The following ZNF827 variants were observed in gnomAD, a reference collection of about 807,000 sequenced individuals.
ZNF827 encodes zinc finger protein 827.
ZNF827 carries 13 observed loss-of-function variants against 102.4 expected under a neutral mutation model. That is an observed-to-expected ratio of 0.13 (90% CI 0.08 to 0.20). The LOEUF is 0.20. ZNF827 is among the 10% of genes least tolerant of loss of function. The probability of loss-of-function intolerance (pLI) is 1.00; values close to 1 mark genes in which losing one functional copy is unlikely to be tolerated. For missense variants in ZNF827, 1,103 were observed against 1,344.4 expected (o/e 0.82, Z 2.81); for synonymous variants, 523 against 536.2 (o/e 0.98, Z 0.34).
intron 5 of ZNF827, among the ~76,000 whole-genome samples, chr4:145,858,493 T>G (rs1269434676): frequency 6.6e-6 from 1 of 151,562 alleles, no homozygotes; most frequent in African/African-American, 2.4e-5. Context: ...AATCAAAAAA[T>G]TAGCTGGGCT....
intron 8 of ZNF827, among the ~76,000 whole-genome samples, chr4:145,800,008 T>TTTACAGCC (rs11281883): frequency 0.34 from 51,880 of 151,750 alleles, 9,392 homozygotes; most frequent in African/African-American, 0.43. Context: ...TGGCCTTTTT[T>TTTACAGCC]TTACAGCCAT....
intron 1 of ZNF827, among the ~76,000 whole-genome samples, chr4:145,914,557 T>C (rs373253559): frequency 6.6e-6 from 1 of 152,338 alleles, no homozygotes; most frequent in African/African-American, 2.4e-5. Context: ...AAATGTATTC[T>C]TATTCCTTGT....
chr4:145,914,715 T>G (rs1047698282), intron 1 of ZNF827, among the ~76,000 whole-genome samples: 1 of 152,210 alleles, frequency 6.6e-6, no homozygotes, highest in African/African-American at 2.4e-5. Flanking sequence ...AAATTAACAT[T>G]CCCTTAACAA....
chr4:145,772,764 C>A (rs1368076745), intron 11 of ZNF827, among the ~76,000 whole-genome samples: 1 of 152,214 alleles, frequency 6.6e-6, no homozygotes, highest in Non-Finnish European at 1.5e-5. Flanking sequence ...AAAGAAACTT[C>A]TTTAATGCAT....
rs145903216 is a variant in ZNF827 at position 145,895,945 on chromosome 4, A to G, written c.1094-3530T>C. On this transcript the variant is annotated intron_variant, in intron 2 of 14. Transcript: ENST00000508784. ...AACTGCCTAATAAATAACTTTTCCCAAGTATATCACTAGCTAGTTATTATC... is the reference window on the plus strand; with the variant it reads ...AACTGCCTAATAAATAACTTTTCCCGAGTATATCACTAGCTAGTTATTATC... Among the ~76,000 whole-genome samples, 420 of 152,352 alleles carry G rather than the reference A, an allele frequency of 2.8e-3. 2 individuals carry two copies. Among genetic ancestry groups the G allele is most frequent in the Non-Finnish European group, 4.6e-3 (316 of 68,042 alleles).
At position 145,758,078 on chromosome 4, in the gene ZNF827, T is replaced by C. The variant is rs1474741127; in HGVS notation, c.*3538A>G. Reference sequence around the variant, plus strand: ...GGTACATATTTTCTAGGGTGGAGTCTGAAAAATGCTGTAGATTTTTTTCTT... The same window carrying C: ...GGTACATATTTTCTAGGGTGGAGTCCGAAAAATGCTGTAGATTTTTTTCTT... On this transcript the variant is annotated 3_prime_UTR_variant, in exon 15 of 15. Coordinates refer to ENST00000508784, the MANE Select transcript of ZNF827 (RefSeq NM_001306215.2). The C allele has an allele frequency of 2.6e-5, 4 of 152,298 alleles. No homozygotes were observed. The highest frequency in any genetic ancestry group is 9.6e-5 in the African/African-American group (4 of 41,578). The allele number at this position is 152,298 out of a possible 1,614,324, so 9.4% of individuals were successfully genotyped here.
At chr4:145,799,612 T>C (rs1740689216) in intron 8 of ZNF827, among the ~76,000 whole-genome samples, 1 of 152,148 alleles carries the variant, frequency 6.6e-6, no homozygotes, top group African/African-American at 2.4e-5. Context: ...CCAACATCCA[T>C]ACTTTTCTCC....
chr4:145,826,470 C>G (rs922032012), intron 7 of ZNF827, among the ~76,000 whole-genome samples: 1 of 152,160 alleles, frequency 6.6e-6, no homozygotes, highest in African/African-American at 2.4e-5. Context: ...AGTAGTCCCC[C>G]CTTACCCATG....
intron 8 of ZNF827, among the ~76,000 whole-genome samples, chr4:145,788,043 C>T (rs1739143536): frequency 1.3e-5 from 2 of 152,202 alleles, no homozygotes; most frequent in South Asian, 4.1e-4. Flanking sequence ...TGCCTAGTGA[C>T]TCTGGGAGAG....
At chr4:145,822,077 G>T (rs1206667838) in intron 8 of ZNF827, among the ~76,000 whole-genome samples, 1 of 152,166 alleles carries the variant, frequency 6.6e-6, no homozygotes, top group African/African-American at 2.4e-5. Context: ...GACACTGTGG[G>T]AAGTAAACAG....
intron 1 of ZNF827, among the ~76,000 whole-genome samples, chr4:145,935,682 C>T (rs1754110048): frequency 6.6e-6 from 1 of 152,050 alleles, no homozygotes; most frequent in African/African-American, 2.4e-5. Flanking sequence ...AAGTGAGTGG[C>T]TAACAGGATT....
intron 7 of ZNF827, among the ~76,000 whole-genome samples, chr4:145,828,830 A>C (rs970246269): frequency 2.0e-5 from 3 of 152,218 alleles, no homozygotes; most frequent in Non-Finnish European, 4.4e-5. Context: ...CTTACAATAA[A>C]TAATAAAAGT....
intron 7 of ZNF827, among the ~76,000 whole-genome samples, chr4:145,824,567 G>T (rs1054227001): frequency 6.6e-6 from 1 of 152,176 alleles, no homozygotes; most frequent in Admixed American, 6.5e-5. Context: ...GGGAGCCGAA[G>T]CACCAGAGGA....
intron 4 of ZNF827, among the ~76,000 whole-genome samples, chr4:145,880,411 A>G (rs1448460956): frequency 6.6e-6 from 1 of 152,224 alleles, no homozygotes; most frequent in Non-Finnish European, 1.5e-5. Flanking sequence ...ATAATAAGCA[A>G]TGAGTAACTA....
intron 8 of ZNF827, among the ~76,000 whole-genome samples, chr4:145,799,117 G>A (rs764186528): frequency 2.6e-4 from 40 of 152,158 alleles, no homozygotes; most frequent in African/African-American, 8.9e-4. Context: ...CAGATCTCCC[G>A]TTTTGATACT....
intron 11 of ZNF827, among the ~76,000 whole-genome samples, chr4:145,770,795 A>G (rs373603542): frequency 1.6e-4 from 25 of 152,314 alleles, no homozygotes; most frequent in East Asian, 1.3e-3. Context: ...CACTAATTGA[A>G]TATTTTCCCA....
chr4:145,834,494 C>T (rs1221195916), intron 7 of ZNF827, among the ~76,000 whole-genome samples: 1 of 152,150 alleles, frequency 6.6e-6, no homozygotes, highest in Non-Finnish European at 1.5e-5. Flanking sequence ...ATCTTTTTAT[C>T]ACCTCCCCTC....
Position 145,902,831 on chromosome 4 carries a change from C to T in ZNF827, c.428G>A (p.Arg143Lys), listed in dbSNP as rs532795859. The T allele has an allele frequency of 4.3e-6, 7 of 1,614,164 alleles. No homozygotes were observed. The East Asian group carries it at 1.3e-4, about 31-fold the overall frequency. Residue 143 changes from arginine (R) to lysine (K), a missense_variant, in exon 2 of 15, where the codon AGA (arginine) becomes AAA (lysine). Arg to Lys is a conservative substitution (Grantham distance 26). This residue lies in a region of ZNF827 where 441 missense variants were observed against 458.6 expected (regional missense o/e 0.96). Coordinates refer to ENST00000508784, the MANE Select transcript of ZNF827 (RefSeq NM_001306215.2). The surrounding 1 kb of genome is among the most constrained non-coding windows in gnomAD (Gnocchi z 4.3). ...GCCAACGTTTACGGGGGACTCCACTCTGCCATTAGCCGTGGCTGCAGCATC... is the reference window on the plus strand; with the variant it reads ...GCCAACGTTTACGGGGGACTCCACTTTGCCATTAGCCGTGGCTGCAGCATC... ...KLDAAATANG[R>K]VESPVNVGSN...
chr4:145,884,925 T>C (rs1389605678), intron 4 of ZNF827, among the ~76,000 whole-genome samples: 2 of 152,050 alleles, frequency 1.3e-5, no homozygotes, highest in Non-Finnish European at 2.9e-5. Context: ...TTCAAAGACA[T>C]AAAGTAGTGG....
Sources: allele counts gnomAD v4.1 joint callset (sites outside exome capture counted in the v4.1 genomes callset), GRCh38; gene constraint gnomAD v4.1.1; regional missense constraint gnomAD v4.1.1; non-coding constraint Gnocchi (gnomAD v3.1); transcripts MANE v1.5; gene names NCBI Gene and HGNC (gene_info 2026-07-23, HGNC 2026-07-21).